Variants in FILIP1L observed in about 807,000 individuals in gnomAD.
The protein encoded by FILIP1L is filamin A-interacting protein 1-like.
FILIP1L carries 55 observed loss-of-function variants against 96.6 expected under a neutral mutation model. The observed-to-expected ratio is 0.57, with a 90% CI of 0.46 to 0.71. The LOEUF is 0.71. FILIP1L is among the 30% of genes least tolerant of loss of function. FILIP1L has a pLI of 0.00. For missense variants in FILIP1L, 1,304 were observed against 1,321.2 expected (o/e 0.99, Z 0.20); for synonymous variants, 467 against 473.9 (o/e 0.99, Z 0.19).
At chr3:99,832,034 T>C (rs925353648) in intron 5 of FILIP1L, among the ~76,000 whole-genome samples, 1 of 152,082 alleles carries the variant, frequency 6.6e-6, no homozygotes, top group Admixed American at 6.5e-5. Flanking sequence ...GTGAAGAAAA[T>C]GTGGCTTGGA....
intron 1 of FILIP1L, among the ~76,000 whole-genome samples, chr3:99,987,941 G>A (rs1203219896): frequency 6.6e-6 from 1 of 152,174 alleles, no homozygotes; most frequent in African/African-American, 2.4e-5. Flanking sequence ...GAAAGATGTT[G>A]AGGATACTGT....
chr3:99,965,515 G>T (rs1343041935), intron 1 of FILIP1L, among the ~76,000 whole-genome samples: 1 of 152,080 alleles, frequency 6.6e-6, no homozygotes, highest in East Asian at 1.9e-4. Context: ...ATTTCTTCCA[G>T]ATACTTTTCT....
At chr3:100,001,554 C>T (rs935481521) in intron 1 of FILIP1L, among the ~76,000 whole-genome samples, 1 of 152,068 alleles carries the variant, frequency 6.6e-6, no homozygotes, top group Non-Finnish European at 1.5e-5. Context: ...GATTGCTTTT[C>T]GTAGGAAGAA....
At chr3:100,047,574 A>G (rs2065297612) in intron 1 of FILIP1L, among the ~76,000 whole-genome samples, 1 of 152,242 alleles carries the variant, frequency 6.6e-6, no homozygotes, top group Non-Finnish European at 1.5e-5. Context: ...TGGTATTACC[A>G]CATGTAAATT....
Position 100,003,430 on chromosome 3 carries a change from T to A in FILIP1L, c.-10-72400A>T, listed in dbSNP as rs548479150. ...TTAACCAATGCACCTAGAATAAACC[T>A]GTAGCAAGTGCCTACCATGTGCAAG... On this transcript the variant is annotated intron_variant, in intron 1 of 5. Transcript: ENST00000477258. Among the ~76,000 whole-genome samples the A allele has an allele frequency of 2.2e-4, 33 of 152,372 alleles. 1 individual carries two copies. The South Asian group carries it at 6.6e-3, about 31-fold the overall frequency.
chr3:99,955,504 A>T (rs1202091008), intron 1 of FILIP1L, among the ~76,000 whole-genome samples: 1 of 152,246 alleles, frequency 6.6e-6, no homozygotes, highest in Non-Finnish European at 1.5e-5. Flanking sequence ...CCCAAGTTGA[A>T]TCAGGAAGCC....
chr3:99,983,477 T>C (rs1268256416), intron 1 of FILIP1L, among the ~76,000 whole-genome samples: 4 of 17,440 alleles, frequency 2.3e-4, no homozygotes, highest in Admixed American at 5.9e-4. Context: ...TATATATATA[T>C]ATATATATAT....
chr3:99,832,065 C>G (rs1942687145), intron 5 of FILIP1L, among the ~76,000 whole-genome samples: 1 of 152,168 alleles, frequency 6.6e-6, no homozygotes, highest in African/African-American at 2.4e-5. Context: ...CTGATACTTT[C>G]AGGCCCAGCT....
chr3:100,080,175 G>T (rs534692221), intron 1 of FILIP1L, among the ~76,000 whole-genome samples: 7 of 151,910 alleles, frequency 4.6e-5, no homozygotes, highest in Non-Finnish European at 7.4e-5. Context: ...TAGAGACGGG[G>T]ATCTCGCCAT....
intron 1 of FILIP1L, among the ~76,000 whole-genome samples, chr3:100,057,072 T>C (rs1426216728): frequency 6.6e-6 from 1 of 152,108 alleles, no homozygotes; most frequent in Admixed American, 6.5e-5. Flanking sequence ...GAACTAATGA[T>C]TGGCAGGCTC....
intron 1 of FILIP1L, among the ~76,000 whole-genome samples, chr3:99,965,497 A>C (rs537269297): frequency 6.6e-6 from 1 of 152,192 alleles, no homozygotes; most frequent in Non-Finnish European, 1.5e-5. Flanking sequence ...ATTTGTAGCT[A>C]TCTCTGAATT....
At chr3:99,995,188 G>A (rs1038725967) in intron 1 of FILIP1L, among the ~76,000 whole-genome samples, 1 of 152,158 alleles carries the variant, frequency 6.6e-6, no homozygotes, top group Non-Finnish European at 1.5e-5. Context: ...GTGGGTACAG[G>A]TATTGGGTAA....
intron 5 of FILIP1L, among the ~76,000 whole-genome samples, chr3:99,832,231 C>CTTT (rs577849748): frequency 8.7e-5 from 12 of 138,156 alleles, no homozygotes; most frequent in African/African-American, 3.2e-4. Flanking sequence ...ATTCCTAAAT[C>CTTT]TTTTTTTTTT....
rs1296009534 is a variant in FILIP1L, at chr3:100,080,834, T to C, written c.-11+33219A>G. Among the ~76,000 whole-genome samples the C allele has an allele frequency of 2.0e-5, 3 of 152,330 alleles. No individual in the cohort carries two copies. In the East Asian group the frequency reaches 5.8e-4, roughly 29 times the overall value. On this transcript the variant is annotated intron_variant, in intron 1 of 5. Coordinates refer to ENST00000477258, the MANE Select transcript of FILIP1L (RefSeq NM_001387850.1). Reference sequence around the variant, plus strand: ...AAGGCAAGGACTGCCTTTTCTTGCATAGTCCTATTTTAGGATGGATGTGTA... The same window carrying C: ...AAGGCAAGGACTGCCTTTTCTTGCACAGTCCTATTTTAGGATGGATGTGTA...
At chr3:100,085,942 T>C (rs1037966862) in intron 1 of FILIP1L, among the ~76,000 whole-genome samples, 10 of 152,232 alleles carry the variant, frequency 6.6e-5, no homozygotes, top group African/African-American at 2.4e-4. Flanking sequence ...AGCATAAAGG[T>C]CACCACTTTT....
intron 1 of FILIP1L, among the ~76,000 whole-genome samples, chr3:100,074,291 A>G (rs1304152632): frequency 2.6e-5 from 4 of 152,126 alleles, no homozygotes; most frequent in Non-Finnish European, 4.4e-5. Context: ...CCAAAATGCA[A>G]GGCAAAGGTT....
At chr3:100,028,781 A>G (rs935652786) in intron 1 of FILIP1L, among the ~76,000 whole-genome samples, 4 of 152,160 alleles carry the variant, frequency 2.6e-5, no homozygotes, top group Admixed American at 2.0e-4. Context: ...TGTTTTCTTA[A>G]GAAGAGTTGA....
At chr3:100,039,056 G>T (rs1017063655) in intron 1 of FILIP1L, among the ~76,000 whole-genome samples, 4 of 151,972 alleles carry the variant, frequency 2.6e-5, no homozygotes, top group Non-Finnish European at 5.9e-5. Context: ...AACAGATGTT[G>T]GAAAAACTCC....
chr3:99,873,339 G>A (rs1705335575), intron 4 of FILIP1L, among the ~76,000 whole-genome samples: 1 of 152,232 alleles, frequency 6.6e-6, no homozygotes, highest in South Asian at 2.1e-4. Flanking sequence ...AAGGTAGGGT[G>A]TATTAGATTT....
Sources: allele counts gnomAD v4.1 joint callset (sites outside exome capture counted in the v4.1 genomes callset), GRCh38; gene constraint gnomAD v4.1.1; transcripts MANE v1.5; gene names NCBI Gene and HGNC (gene_info 2026-07-23, HGNC 2026-07-21).